The following ABCB11 variants were observed in gnomAD, a reference collection of about 807,000 sequenced individuals.
ABCB11 encodes ATP binding cassette subfamily B member 11.
A neutral mutation model predicts 148.0 loss-of-function variants in ABCB11; 95 were observed. The observed-to-expected ratio is 0.64, with a 90% CI of 0.54 to 0.76. The LOEUF (loss-of-function observed/expected upper bound fraction) is 0.76. Among genes scored for constraint, ABCB11 ranks in the 30% least tolerant of loss-of-function variants. The pLI is 0.00. For missense variants in ABCB11, 1,523 were observed against 1,617.8 expected, an observed-to-expected ratio of 0.94 and a Z score of 1.01; for synonymous variants, 591 against 555.4, an observed-to-expected ratio of 1.06 and a Z score of -0.90.
intron 5 of ABCB11, among the ~76,000 whole-genome samples, chr2:169,000,988 T>C (rs76667451): frequency 2.0e-5 from 3 of 152,174 alleles, no homozygotes; most frequent in Non-Finnish European, 2.9e-5. Flanking sequence ...TCTCTCTTTG[T>C]ATAGCTTTTT....
At position 168,922,138 on chromosome 2, in the gene ABCB11, A is replaced by C. The variant is rs570128937; in HGVS notation, c.*1484T>G. Among the ~76,000 whole-genome samples the C allele has an allele frequency of 2.9e-3, 440 of 152,184 alleles. 1 individual carries two copies. The highest frequency in any genetic ancestry group is 4.5e-3 in the Non-Finnish European group (307 of 67,992). ...TGCTGGGATTACAGGAGTGAGCCACAGCGCCTGGCCCGACCTCTTTTCTAA... is the reference window on the plus strand; with the variant it reads ...TGCTGGGATTACAGGAGTGAGCCACCGCGCCTGGCCCGACCTCTTTTCTAA... On this transcript the variant is annotated 3_prime_UTR_variant, in exon 28 of 28. Coordinates refer to ENST00000650372, the MANE Select transcript of ABCB11 (RefSeq NM_003742.4).
chr2:168,993,710 C>T lies in ABCB11; in HGVS notation c.783+1G>A. On this transcript the variant is annotated splice_donor_variant, in intron 8 of 27. Coordinates refer to ENST00000650372, the MANE Select transcript of ABCB11 (RefSeq NM_003742.4). LOFTEE classifies it high-confidence loss of function. ...GGAGAGATGCAAAAAGACATTCTTACCAGACCAATGGTGGCTGCTCCAATC... is the reference window on the plus strand; with the variant it reads ...GGAGAGATGCAAAAAGACATTCTTATCAGACCAATGGTGGCTGCTCCAATC... 1 of 1,606,886 alleles carries T rather than the reference C, an allele frequency of 6.2e-7. No homozygotes were observed. The highest frequency in any genetic ancestry group is 8.5e-7 in the Non-Finnish European group (1 of 1,176,446).
chr2:168,992,191 A>C lies in ABCB11; in HGVS notation c.784-1266T>G, dbSNP rs187687731. Among the ~76,000 whole-genome samples the C allele has an allele frequency of 1.2e-4, 18 of 151,704 alleles. 1 individual carries two copies. The East Asian group carries it at 3.5e-3, about 29-fold the overall frequency. On this transcript the variant is annotated intron_variant, in intron 8 of 27. Coordinates refer to ENST00000650372, the MANE Select transcript of ABCB11 (RefSeq NM_003742.4). ...AAGCATACACAGACTTGAAAGCAAG[A>C]CAAGACATGTGCAGACCTACAACAT...
At chr2:168,981,213 T>C (rs541436772) in intron 10 of ABCB11, among the ~76,000 whole-genome samples, 9 of 152,258 alleles carry the variant, frequency 5.9e-5, no homozygotes, top group Non-Finnish European at 1.2e-4. Context: ...CTCAGCCATG[T>C]CTCTCCCTCT....
intron 11 of ABCB11, 23 bp from the exon 12 acceptor site, chr2:168,976,710 C>A (rs1693922415): frequency 1.4e-6 from 2 of 1,473,508 alleles, no homozygotes; most frequent in Admixed American, 1.7e-5. Flanking sequence ...ACAAAAGGGA[C>A]ACAGTGTAAA....
intron 19 of ABCB11, among the ~76,000 whole-genome samples, chr2:168,950,136 T>TACACACACAC (rs796123814): frequency 8.1e-5 from 8 of 99,198 alleles, no homozygotes; most frequent in African/African-American, 2.5e-4. Context: ...CCCATATATA[T>TACACACACAC]ATATACACAC....
chr2:169,016,689 A>G (rs2106054942), intron 3 of ABCB11, 89 bp downstream of exon 3: 1 of 1,029,872 alleles, frequency 9.7e-7, no homozygotes, highest in Non-Finnish European at 1.5e-6. Flanking sequence ...TGCAATGTGC[A>G]TGAAAGTATT....
chr2:168,929,337 G>T (rs532903710), intron 25 of ABCB11, among the ~76,000 whole-genome samples: 4 of 152,260 alleles, frequency 2.6e-5, no homozygotes, highest in African/African-American at 9.6e-5. Context: ...TGACAGAAAT[G>T]AGGGAAGAGA....
chr2:169,013,632 C>T lies in ABCB11; in HGVS notation c.151-122G>A, dbSNP rs145685951. 2,369 of 709,080 alleles carry T rather than the reference C, an allele frequency of 3.3e-3. 45 individuals are homozygous for T. In the Admixed American group the frequency reaches 0.041, roughly 12 times the overall value. 43.9% of individuals were successfully genotyped at this position (709,080 alleles called of 1,614,324 possible). A position where few individuals can be genotyped will look rare whatever the true frequency, so the allele number is the denominator to read the frequency against. ...TCAACACCAAATTTCATGGGAATCACCTTAATTGAGTGGCAGAGTTCGTAT... is the reference window on the plus strand; with the variant it reads ...TCAACACCAAATTTCATGGGAATCATCTTAATTGAGTGGCAGAGTTCGTAT... On this transcript the variant is annotated intron_variant, in intron 4 of 27. Coordinates refer to ENST00000650372, the MANE Select transcript of ABCB11 (RefSeq NM_003742.4).
At chr2:168,924,929 A>G (rs977471071) in intron 26 of ABCB11, 126 bp from the exon 27 acceptor site, 2 of 691,726 alleles carry the variant, frequency 2.9e-6, no homozygotes, top group South Asian at 3.4e-5. Context: ...ACAGTGAGTG[A>G]GTCCTCCTAT....
chr2:168,947,799 G>A (rs1692394268), intron 19 of ABCB11, among the ~76,000 whole-genome samples: 1 of 151,672 alleles, frequency 6.6e-6, no homozygotes, highest in South Asian at 2.1e-4. Flanking sequence ...TCACCTAGAT[G>A]CTGCCTACTC....
At chr2:168,981,070 G>C (rs78481412) in intron 10 of ABCB11, among the ~76,000 whole-genome samples, 3,416 of 152,156 alleles carry the variant, frequency 0.022, 125 homozygotes, top group African/African-American at 0.077. Flanking sequence ...AAATGATCCT[G>C]GTCTGTGATG....
chr2:168,990,707 C>A lies in ABCB11; in HGVS notation c.908+94G>T, dbSNP rs1302298782. The A allele has an allele frequency of 5.3e-6, 8 of 1,523,566 alleles. No individual in the cohort carries two copies. In the African/African-American group the frequency reaches 6.9e-5, roughly 13 times the overall value. 94.4% of individuals were successfully genotyped at this position (1,523,566 alleles called of 1,614,324 possible). A position where few individuals can be genotyped will look rare whatever the true frequency, so the allele number is the denominator to read the frequency against. On this transcript the variant is annotated intron_variant, in intron 9 of 27. Coordinates refer to ENST00000650372, the MANE Select transcript of ABCB11 (RefSeq NM_003742.4). ...AGTACTTCCTCTGGAGGCCACAGAC[C>A]AAGGTGGGTCTGCCGCTTTGCACAA...
intron 13 of ABCB11, 123 bp from the exon 14 acceptor site, chr2:168,972,173 A>T (rs768357532): frequency 7.4e-6 from 6 of 810,670 alleles, no homozygotes; most frequent in Middle Eastern, 2.3e-4. Flanking sequence ...AATGGAAACA[A>T]TTCCTCTTGA....
At position 168,977,344 on chromosome 2, in the gene ABCB11, C is replaced by T. The variant is rs562303028; in HGVS notation, c.1198-657G>A. On this transcript the variant is annotated intron_variant, in intron 11 of 27. Transcript: ENST00000650372. ...AAGACCAGGCAACTAGTCAACCAAT[C>T]GGGGGTCCGAGGGTATTCTTTTGAG... Among the ~76,000 whole-genome samples the T allele has an allele frequency of 1.3e-4, 20 of 152,152 alleles. 1 individual carries two copies. In the South Asian group the frequency reaches 3.1e-3, roughly 24 times the overall value.
At chr2:169,022,879 A>G (rs1039670836) in intron 1 of ABCB11, among the ~76,000 whole-genome samples, 6 of 152,174 alleles carry the variant, frequency 3.9e-5, no homozygotes, top group Non-Finnish European at 8.8e-5. Context: ...AAAAATAATT[A>G]ATCATTTTCA....
intron 11 of ABCB11, among the ~76,000 whole-genome samples, chr2:168,978,652 C>A (rs1339726592): frequency 9.0e-6 from 1 of 111,530 alleles, no homozygotes; most frequent in Non-Finnish European, 2.0e-5. Flanking sequence ...GGACTCAGCT[C>A]AGGGCATTTT....
chr2:168,925,984 G>A (rs1407914727), intron 26 of ABCB11, among the ~76,000 whole-genome samples: 1 of 152,078 alleles, frequency 6.6e-6, no homozygotes, highest in Non-Finnish European at 1.5e-5. Flanking sequence ...GGGCTAACAG[G>A]TAAGAACTGG....
Position 169,022,935 on chromosome 2 carries a change from T to C in ABCB11, c.-27-4783A>G, listed in dbSNP as rs190416899. ...TAAAAATCATTATCCATTCCTGTTT[T>C]GAAAACCTATAAAATTAAAAAAAAA... On this transcript the variant is annotated intron_variant, in intron 1 of 27. Transcript: ENST00000650372. Among the ~76,000 whole-genome samples, 5 of 152,062 alleles carry C rather than the reference T, an allele frequency of 3.3e-5. No individual in the cohort carries two copies. In the East Asian group the frequency reaches 7.7e-4, roughly 23 times the overall value.
Sources: allele counts gnomAD v4.1 joint callset (sites outside exome capture counted in the v4.1 genomes callset), GRCh38; gene constraint gnomAD v4.1.1; transcripts MANE v1.5; gene names NCBI Gene and HGNC (gene_info 2026-07-23, HGNC 2026-07-21).